WASHC2C: variants seen among roughly 807,000 people sequenced by gnomAD.
WASHC2C encodes Vaccinia Penetration Factor.
In WASHC2C, 73 loss-of-function variants were observed where a neutral mutation model predicts 142.2. The observed-to-expected ratio is 0.51, with a 90% CI of 0.43 to 0.62. WASHC2C has a LOEUF of 0.62. WASHC2C is among the 20% of genes least tolerant of loss of function. The probability of loss-of-function intolerance (pLI) is 0.00; values close to 1 mark genes in which losing one functional copy is unlikely to be tolerated. For missense variants in WASHC2C, 969 were observed against 1,531.7 expected, an observed-to-expected ratio of 0.63 and a Z score of 6.13; for synonymous variants, 337 against 565.5, an observed-to-expected ratio of 0.60 and a Z score of 5.73.
At chr10:45,767,487 T>C (rs1347988477) in intron 19 of WASHC2C, among the ~76,000 whole-genome samples, 2 of 152,304 alleles carry the variant, frequency 1.3e-5, no homozygotes, top group Non-Finnish European at 2.9e-5. Flanking sequence ...TTTTTTCTTT[T>C]AAACATTGTC....
chr10:45,767,757 AG>A (rs1366361837), intron 19 of WASHC2C, among the ~76,000 whole-genome samples: 79 of 141,946 alleles, frequency 5.6e-4, no homozygotes, highest in Non-Finnish European at 9.8e-4. Flanking sequence ...AAAAATAAAA[AG>A]GTTCGTGCAT....
Position 45,790,333 on chromosome 10 carries a change from G to A in WASHC2C, c.3709-23G>A, listed in dbSNP as rs1302826637. ...AGAAAAATTGATTTAACATTGTTTT[G>A]TATGTATTTTTGGCTTAACAAGGAT... On this transcript the variant is annotated intron_variant, in intron 29 of 30. Coordinates refer to ENST00000623400, the MANE Select transcript of WASHC2C (RefSeq NM_001330074.2). 1.1e-4 allele frequency: 182 copies of A among 1,609,592 alleles called. 1 individual carries two copies. In the Middle Eastern group the frequency reaches 1.8e-3, roughly 16 times the overall value.
chr10:45,762,690 G>A (rs1411305904), intron 17 of WASHC2C, among the ~76,000 whole-genome samples: 3 of 152,216 alleles, frequency 2.0e-5, no homozygotes, highest in African/African-American at 7.2e-5. Context: ...CGGATCACAA[G>A]GTCAGGAGAT....
Position 45,769,310 on chromosome 10 carries a change from G to A in WASHC2C, c.1870-139G>A. 4 of 1,360,650 alleles carry A rather than the reference G, an allele frequency of 2.9e-6. No homozygotes were observed. In the South Asian group the frequency reaches 4.1e-5, roughly 14 times the overall value. 84.3% of individuals were successfully genotyped at this position (1,360,650 alleles called of 1,614,324 possible). A position where few individuals can be genotyped will look rare whatever the true frequency, so the allele number is the denominator to read the frequency against. Reference sequence around the variant, plus strand: ...TTTTCTTGTATTTTTAGTAGAGATGGGGTTTCACCGTGTTAGCAAGGATGG... The same window carrying A: ...TTTTCTTGTATTTTTAGTAGAGATGAGGTTTCACCGTGTTAGCAAGGATGG... On this transcript the variant is annotated intron_variant, in intron 19 of 30. Coordinates refer to ENST00000623400, the MANE Select transcript of WASHC2C (RefSeq NM_001330074.2).
At chr10:45,739,295 T>G (rs2051680801) in intron 4 of WASHC2C, among the ~76,000 whole-genome samples, 1 of 151,896 alleles carries the variant, frequency 6.6e-6, no homozygotes, top group Admixed American at 6.6e-5. Context: ...GGGTTTTTTT[T>G]TTTTTTTGCC....
intron 26 of WASHC2C, 99 bp downstream of exon 26, chr10:45,785,730 A>T (rs1373322380): frequency 6.2e-7 from 1 of 1,603,952 alleles, no homozygotes; most frequent in African/African-American, 1.3e-5. Context: ...TGTCTGCATT[A>T]AGGAGGAAAC....
At chr10:45,739,022 A>G (rs571518281) in intron 4 of WASHC2C, among the ~76,000 whole-genome samples, 1 of 152,112 alleles carries the variant, frequency 6.6e-6, no homozygotes, top group South Asian at 2.1e-4. Flanking sequence ...TTTTATTTTT[A>G]ATAGAACTCA....
intron 3 of WASHC2C, among the ~76,000 whole-genome samples, chr10:45,736,189 T>G (rs139817333): frequency 1.4e-5 from 2 of 147,690 alleles, no homozygotes; most frequent in Non-Finnish European, 3.0e-5. Context: ...GGGCGAATCA[T>G]GAGGTCAGAT....
chr10:45,790,839 G>T (rs2058353339), intron 30 of WASHC2C, among the ~76,000 whole-genome samples: 1 of 152,188 alleles, frequency 6.6e-6, no homozygotes, highest in African/African-American at 2.4e-5. Context: ...ATGTAAGGAG[G>T]TTTGATCAGA....
Position 45,750,826 on chromosome 10 carries a change from G to C in WASHC2C, c.919G>C (p.Glu307Gln), listed in dbSNP as rs367973237. ...IKGDAMGRVD[E>Q]EPTTLPSGEA... Reference sequence around the variant, plus strand: ...GGGGGATGCCATGGGTCGAGTGGACGAGGAGCCGACAAGTGAGCCCCAGCC... The same window carrying C: ...GGGGGATGCCATGGGTCGAGTGGACCAGGAGCCGACAAGTGAGCCCCAGCC... The change falls in exon 10 of 31, where the codon GAG becomes CAG. Residue 307 changes from glutamate to glutamine, a missense_variant. Glu to Gln is a conservative substitution (Grantham distance 29). Coordinates refer to ENST00000623400, the MANE Select transcript of WASHC2C (RefSeq NM_001330074.2). The C allele has an allele frequency of 6.5e-7, 1 of 1,548,346 alleles. No homozygotes were observed. The highest frequency in any genetic ancestry group is 8.7e-7 in the Non-Finnish European group (1 of 1,146,868).
chr10:45,735,186 T>C (rs2051066102), intron 3 of WASHC2C, among the ~76,000 whole-genome samples: 1 of 151,768 alleles, frequency 6.6e-6, no homozygotes, highest in Admixed American at 6.6e-5. Context: ...TATCAATCTT[T>C]GGCTTTTTAC....
At position 45,765,776 on chromosome 10, in the gene WASHC2C, A is replaced by G; in HGVS notation, c.1835A>G (p.Lys612Arg). ...AAAGCCTCCGAGCTCTCCAAAAAGA[A>G]AGCATCTGCCCTGTTGTTCAGCAGT... is the stretch of plus-strand genomic sequence containing the variant. ...KAKASELSKK[K>R]ASALLFSSDE... The change falls in exon 19 of 31, where the codon AAA becomes AGA. Residue 612 changes from lysine to arginine, a missense_variant. Coordinates refer to ENST00000623400, the MANE Select transcript of WASHC2C (RefSeq NM_001330074.2). 1 of 1,612,048 alleles carries G rather than the reference A, an allele frequency of 6.2e-7. No homozygotes were observed. Among genetic ancestry groups the G allele is most frequent in the Non-Finnish European group, 8.5e-7 (1 of 1,179,856 alleles).
chr10:45,791,269 A>C (rs1267514297), intron 30 of WASHC2C, among the ~76,000 whole-genome samples: 1 of 152,124 alleles, frequency 6.6e-6, no homozygotes, highest in African/African-American at 2.4e-5. Context: ...GCTTCCCACC[A>C]CATGGAATGC....
chr10:45,784,066 T>G (rs1410668870), intron 23 of WASHC2C, among the ~76,000 whole-genome samples: 7 of 151,824 alleles, frequency 4.6e-5, no homozygotes, highest in Non-Finnish European at 7.4e-5. Context: ...CTTCTTCCCT[T>G]TGGAAATGAG....
At chr10:45,757,884 G>A (rs1248597458) in intron 16 of WASHC2C, among the ~76,000 whole-genome samples, 9 of 152,234 alleles carry the variant, frequency 5.9e-5, no homozygotes, top group African/African-American at 1.9e-4. Context: ...TGTGCGGCCC[G>A]GCTTCTAACA....
intron 4 of WASHC2C, 51 bp downstream of exon 4, chr10:45,738,096 G>T: frequency 6.2e-7 from 1 of 1,611,920 alleles, no homozygotes; most frequent in Non-Finnish European, 8.5e-7. Context: ...GAAAAGTGTG[G>T]TGGAGATCGA....
At position 45,752,681 on chromosome 10, in the gene WASHC2C, G is replaced by A; in HGVS notation, c.1097G>A (p.Gly366Glu). 2 of 1,610,220 alleles carry A rather than the reference G, an allele frequency of 1.2e-6. No homozygotes were observed. The highest frequency in any genetic ancestry group is 1.7e-6 in the Non-Finnish European group (2 of 1,179,342). Residue 366 changes from glycine (G) to glutamate (E), a missense_variant, in exon 12 of 31, where the codon GGG becomes GAG. Transcript: ENST00000623400. ...SGGGLFSGGK[G>E]LFDDEDEESD... ...GGTGGCCTGTTCAGTGGCGGCAAGG[G>A]GCTATTTGATGATGAGGACGAGGAG...
chr10:45,784,269 T>TATATATATATATATATACACACAC (rs1564819630), intron 23 of WASHC2C, among the ~76,000 whole-genome samples: 3 of 13,476 alleles, frequency 2.2e-4, no homozygotes, highest in East Asian at 0.011. Context: ...TATATATATA[T>TATATATATATATATATACACACAC]ATATATATAT....
chr10:45,762,079 G>T (rs1365276860), intron 17 of WASHC2C, among the ~76,000 whole-genome samples: 2 of 150,478 alleles, frequency 1.3e-5, no homozygotes, highest in African/African-American at 2.4e-5. Context: ...TTCGGCTCTT[G>T]TGTATTGAAG....
Sources: gnomAD v4.1 joint callset for allele counts (sites outside exome capture counted in the v4.1 genomes callset) on GRCh38, gnomAD v4.1.1 for gene constraint, MANE v1.5 for transcripts, NCBI Gene and HGNC (gene_info 2026-07-23, HGNC 2026-07-21) for gene names.